Variants in RASSF2 observed in about 807,000 individuals in gnomAD.
The protein encoded by RASSF2 is Ras association domain family member 2.
Under a neutral mutation model 46.3 loss-of-function variants are expected in RASSF2, and 34 were observed. The observed-to-expected ratio is 0.73, with a 90% CI of 0.56 to 0.98. The LOEUF is 0.98. Ranked by LOEUF, RASSF2 falls within the 50% of genes least tolerant of loss-of-function variation. The pLI, the probability that RASSF2 is intolerant of heterozygous loss-of-function variation, is 0.00. For missense variants in RASSF2, 364 were observed against 431.2 expected (o/e 0.84, Z 1.38); for synonymous variants, 158 against 162.5 (o/e 0.97, Z 0.21).
intron 2 of RASSF2, among the ~76,000 whole-genome samples, chr20:4,808,310 C>T (rs1227376489): frequency 6.6e-6 from 1 of 152,022 alleles, no homozygotes; most frequent in East Asian, 1.9e-4. Flanking sequence ...CTTGGGAATA[C>T]AGACTAATGG....
chr20:4,791,478 T>C, intron 6 of RASSF2, among the ~76,000 whole-genome samples: 1 of 152,218 alleles, frequency 6.6e-6, no homozygotes, highest in Non-Finnish European at 1.5e-5. Context: ...AGAACATGTA[T>C]CTAAAAATAT....
intron 2 of RASSF2, among the ~76,000 whole-genome samples, chr20:4,804,437 A>T (rs1927172758): frequency 6.9e-6 from 1 of 144,146 alleles, no homozygotes; most frequent in Non-Finnish European, 1.5e-5. Context: ...TCCCAGGTTC[A>T]AGCAATTCTC....
intron 4 of RASSF2, among the ~76,000 whole-genome samples, chr20:4,796,719 C>T (rs1926385172): frequency 6.6e-6 from 1 of 152,194 alleles, no homozygotes; most frequent in Non-Finnish European, 1.5e-5. Flanking sequence ...TTGGGACTCG[C>T]TTATGACTAT....
intron 2 of RASSF2, among the ~76,000 whole-genome samples, chr20:4,814,322 A>T (rs767391127): frequency 6.6e-6 from 1 of 152,146 alleles, no homozygotes; most frequent in Non-Finnish European, 1.5e-5. Context: ...GTTTCCTACA[A>T]GCTCAGATTT....
chr20:4,797,084 G>A (rs1255076131), intron 4 of RASSF2, among the ~76,000 whole-genome samples: 2 of 152,148 alleles, frequency 1.3e-5, no homozygotes, highest in Admixed American at 6.6e-5. Context: ...ACAATTTTAC[G>A]GTGCTTAGGC....
chr20:4,800,532 C>T (rs1466217242), intron 3 of RASSF2, among the ~76,000 whole-genome samples: 1 of 152,180 alleles, frequency 6.6e-6, no homozygotes, highest in Non-Finnish European at 1.5e-5. Context: ...AAAACAATCT[C>T]CCTTGGCCTT....
rs1023241525 is a variant in RASSF2, at chr20:4,812,256, G to A, written c.-33+10073C>T. 9.9e-5 allele frequency among the ~76,000 whole-genome samples: 15 copies of A among 152,214 alleles called. No individual in the cohort carries two copies. Among genetic ancestry groups the A allele is most frequent in the African/African-American group, 3.4e-4 (14 of 41,450 alleles). The stretch of plus-strand genomic sequence containing the variant: ...TGCCTTCCTGCTTTATGGAACAGAA[G>A]CCCCATCACTGCCTGGACTCCTTTA... On this transcript the variant is annotated intron_variant, in intron 2 of 11. Transcript: ENST00000379400. This position sits in a 1 kb window ranked among gnomAD's most constrained non-coding sequence, Gnocchi z 4.0.
intron 10 of RASSF2, 23 bp downstream of exon 10, chr20:4,787,610 C>T (rs1043730746): frequency 2.5e-6 from 4 of 1,614,120 alleles, no homozygotes; most frequent in African/African-American, 1.3e-5. Flanking sequence ...GAGGACAGAT[C>T]GCCTGACCCA....
chr20:4,804,762 G>A (rs1475785814), intron 2 of RASSF2, among the ~76,000 whole-genome samples: 1 of 152,122 alleles, frequency 6.6e-6, no homozygotes, highest in Non-Finnish European at 1.5e-5. Flanking sequence ...TCTACAACGT[G>A]CCAAGCATCG....
In RASSF2 at chr20:4,784,087, A is replaced by G. The variant is rs572622285; in HGVS notation, c.*186T>C. 75 of 620,944 alleles carry G rather than the reference A, an allele frequency of 1.2e-4. No homozygotes were observed. The highest frequency in any genetic ancestry group is 7.0e-4 in the Admixed American group (24 of 34,256). 38.5% of individuals were successfully genotyped at this position (620,944 alleles called of 1,614,324 possible). The stretch of plus-strand genomic sequence containing the variant: ...CCTTGTGAGCAGAAAAAAGGAGGGC[A>G]GGGGTCCAGGGATAGGGAGCTGTCT... On this transcript the variant is annotated 3_prime_UTR_variant, in exon 12 of 12. Coordinates refer to ENST00000379400, the MANE Select transcript of RASSF2 (RefSeq NM_014737.3).
At chr20:4,823,112 C>T (rs1473791515) in intron 1 of RASSF2, among the ~76,000 whole-genome samples, 7 of 152,044 alleles carry the variant, frequency 4.6e-5, no homozygotes, top group Non-Finnish European at 1.0e-4. Context: ...CCCCGGGAGC[C>T]CCGCGGCTCG....
At chr20:4,784,404 T>C in intron 11 of RASSF2, 62 bp from the exon 12 acceptor site, 1 of 1,520,056 alleles carries the variant, frequency 6.6e-7, no homozygotes, top group East Asian at 2.3e-5. Context: ...CCCAGGACCT[T>C]CCCGGCCACC....
intron 10 of RASSF2, 22 bp downstream of exon 10, chr20:4,787,611 G>C: frequency 6.2e-7 from 1 of 1,614,006 alleles, no homozygotes; most frequent in Non-Finnish European, 8.5e-7. Context: ...AGGACAGATC[G>C]CCTGACCCAA....
At chr20:4,810,416 G>A (rs1927687075) in intron 2 of RASSF2, among the ~76,000 whole-genome samples, 1 of 152,170 alleles carries the variant, frequency 6.6e-6, no homozygotes, top group South Asian at 2.1e-4. Context: ...GGCGTCTGGA[G>A]CTCCCACCAA....
intron 3 of RASSF2, 87 bp downstream of exon 3, chr20:4,800,885 G>C: frequency 9.0e-7 from 1 of 1,108,122 alleles, no homozygotes; most frequent in Non-Finnish European, 1.4e-6. Context: ...ACAGTGGGGG[G>C]CCCTCTGCCA....
At chr20:4,806,289 A>G (rs372115438) in intron 2 of RASSF2, among the ~76,000 whole-genome samples, 2 of 152,224 alleles carry the variant, frequency 1.3e-5, no homozygotes, top group Admixed American at 1.3e-4. Flanking sequence ...TCATGGGGGA[A>G]CTCAGCCAGA....
chr20:4,817,221 C>T (rs1220055579), intron 2 of RASSF2, among the ~76,000 whole-genome samples: 2 of 152,140 alleles, frequency 1.3e-5, no homozygotes, highest in Non-Finnish European at 2.9e-5. Flanking sequence ...TAATGTATGA[C>T]TGTTGGTCTC....
In RASSF2 at chr20:4,820,938, A is replaced by G. The variant is rs575728814; in HGVS notation, c.-33+1391T>C. 1.6e-3 allele frequency among the ~76,000 whole-genome samples: 248 copies of G among 152,276 alleles called. 1 individual carries two copies. Among genetic ancestry groups the G allele is most frequent in the African/African-American group, 5.5e-3 (230 of 41,544 alleles). On this transcript the variant is annotated intron_variant, in intron 2 of 11. Coordinates refer to ENST00000379400, the MANE Select transcript of RASSF2 (RefSeq NM_014737.3). ...AAATATCCTAAAGAGGACTGAAAGT[A>G]ATAATCAGGCCCATGTTCTTTTGTG...
intron 9 of RASSF2, 102 bp downstream of exon 9, chr20:4,788,115 T>G (rs1925529128): frequency 8.4e-7 from 1 of 1,188,388 alleles, no homozygotes; most frequent in Non-Finnish European, 1.2e-6. Flanking sequence ...TTTGGAAGTT[T>G]CCAAAACTCA....
Sources: gnomAD v4.1 joint callset for allele counts (sites outside exome capture counted in the v4.1 genomes callset) on GRCh38, gnomAD v4.1.1 for gene constraint, Gnocchi (gnomAD v3.1) non-coding constraint, MANE v1.5 for transcripts, NCBI Gene and HGNC (gene_info 2026-07-23, HGNC 2026-07-21) for gene names.